Variants in HS6ST3 observed in about 807,000 individuals in gnomAD.
HS6ST3 encodes the protein heparan-sulfate 6-O-sulfotransferase 3.
Under a neutral mutation model 36.7 loss-of-function variants are expected in HS6ST3, and 12 were observed. That is an observed-to-expected ratio of 0.33 (90% CI 0.21 to 0.53). The LOEUF (loss-of-function observed/expected upper bound fraction) is 0.53. HS6ST3 is among the 20% of genes least tolerant of loss of function. The pLI is 0.95. For missense variants in HS6ST3, 584 were observed against 640.9 expected (o/e 0.91, Z 0.96); for synonymous variants, 240 against 257.5 (o/e 0.93, Z 0.65).
intron 1 of HS6ST3, among the ~76,000 whole-genome samples, chr13:96,694,274 C>G (rs1006283370): frequency 6.6e-6 from 1 of 152,152 alleles, no homozygotes; most frequent in African/African-American, 2.4e-5. Context: ...ATTTGGTTTT[C>G]TGTTCCTGCA....
At chr13:96,480,286 G>A (rs1288167242) in intron 1 of HS6ST3, among the ~76,000 whole-genome samples, 1 of 152,066 alleles carries the variant, frequency 6.6e-6, no homozygotes, top group Admixed American at 6.6e-5. Context: ...GCTAATTTTT[G>A]TATTTTTAGT....
intron 1 of HS6ST3, among the ~76,000 whole-genome samples, chr13:96,293,526 C>T (rs1476534198): frequency 6.6e-6 from 1 of 152,080 alleles, no homozygotes; most frequent in African/African-American, 2.4e-5. Context: ...CATAAACTCA[C>T]ACACAGATAA....
chr13:96,435,994 G>A (rs143315543), intron 1 of HS6ST3, among the ~76,000 whole-genome samples: 152 of 152,224 alleles, frequency 1.0e-3, no homozygotes, highest in Middle Eastern at 3.4e-3. Context: ...ACTCTTAGCT[G>A]CATTCTCTTT....
Position 96,114,058 on chromosome 13 carries a change from A to G in HS6ST3, c.707+22489A>G, listed in dbSNP as rs551834492. ...TGATCAGCTTTCTATACTTATGGTC[A>G]GGTTCTACAAAGAAACATAATAAAA... is the stretch of plus-strand genomic sequence containing the variant. On this transcript the variant is annotated intron_variant, in intron 1 of 1. Transcript: ENST00000376705. Among the ~76,000 whole-genome samples the G allele has an allele frequency of 8.5e-5, 13 of 152,286 alleles. 1 individual carries two copies. Among genetic ancestry groups the G allele is most frequent in the African/African-American group, 3.1e-4 (13 of 41,566 alleles).
At chr13:96,158,793 G>A (rs780557887) in intron 1 of HS6ST3, among the ~76,000 whole-genome samples, 1 of 151,828 alleles carries the variant, frequency 6.6e-6, no homozygotes. Context: ...ATTAACACAA[G>A]CTAGGGAGAG....
chr13:96,753,170 G>A (rs1426898984), intron 1 of HS6ST3, among the ~76,000 whole-genome samples: 1 of 152,094 alleles, frequency 6.6e-6, no homozygotes, highest in Non-Finnish European at 1.5e-5. Context: ...TTATTATAAG[G>A]CAAGTTCTCA....
At chr13:96,408,124 G>A (rs2055488390) in intron 1 of HS6ST3, among the ~76,000 whole-genome samples, 1 of 152,024 alleles carries the variant, frequency 6.6e-6, no homozygotes, top group Admixed American at 6.6e-5. Flanking sequence ...ATTTTTAGTA[G>A]AGATGGGGTT....
chr13:96,725,039 C>T lies in HS6ST3; in HGVS notation c.708-107451C>T, dbSNP rs186795922. ...AATTACTACAATTACTCCGCATTGT[C>T]CCGGACACTTAGTATAGGGGATGTG... On this transcript the variant is annotated intron_variant, in intron 1 of 1. Coordinates refer to ENST00000376705, the MANE Select transcript of HS6ST3 (RefSeq NM_153456.4). 2.0e-3 allele frequency among the ~76,000 whole-genome samples: 297 copies of T among 152,186 alleles called. 1 individual carries two copies. The highest frequency in any genetic ancestry group is 6.7e-3 in the African/African-American group (277 of 41,524).
At chr13:96,096,796 G>C (rs917607216) in intron 1 of HS6ST3, among the ~76,000 whole-genome samples, 2 of 152,174 alleles carry the variant, frequency 1.3e-5, no homozygotes, top group African/African-American at 4.8e-5. Context: ...AATATATAAG[G>C]AGGTTACAGA....
At position 96,152,667 on chromosome 13, in the gene HS6ST3, T is replaced by C. The variant is rs187458508; in HGVS notation, c.707+61098T>C. On this transcript the variant is annotated intron_variant, in intron 1 of 1. Transcript: ENST00000376705. ...TTTTTTAATACTATCAGCAGTCTTT[T>C]TTATATGCTTCTATATGATTCCCTA... Among the ~76,000 whole-genome samples the C allele has an allele frequency of 3.4e-3, 520 of 152,206 alleles. 3 individuals are homozygous for C. Among genetic ancestry groups the C allele is most frequent in the African/African-American group, 0.012 (500 of 41,538 alleles).
At chr13:96,249,841 C>T (rs2054599731) in intron 1 of HS6ST3, among the ~76,000 whole-genome samples, 1 of 152,022 alleles carries the variant, frequency 6.6e-6, no homozygotes, top group Admixed American at 6.6e-5. Context: ...AAGCCAGATG[C>T]AAAATGACAG....
intron 1 of HS6ST3, among the ~76,000 whole-genome samples, chr13:96,823,991 G>A (rs954433636): frequency 8.5e-5 from 13 of 152,116 alleles, no homozygotes; most frequent in African/African-American, 2.9e-4. Flanking sequence ...TATCCAAGTG[G>A]GGGAAATAAT....
At chr13:96,720,157 C>T (rs1875807356) in intron 1 of HS6ST3, among the ~76,000 whole-genome samples, 1 of 152,172 alleles carries the variant, frequency 6.6e-6, no homozygotes, top group Non-Finnish European at 1.5e-5. Context: ...TAAATGCCTG[C>T]AATGTATATA....
intron 1 of HS6ST3, among the ~76,000 whole-genome samples, chr13:96,689,483 G>A (rs1874876587): frequency 1.3e-5 from 2 of 151,830 alleles, no homozygotes; most frequent in Non-Finnish European, 2.9e-5. Context: ...TACATTGCCA[G>A]TGGAAAAAAA....
intron 1 of HS6ST3, among the ~76,000 whole-genome samples, chr13:96,479,716 A>G (rs1217186217): frequency 3.3e-5 from 5 of 152,196 alleles, no homozygotes; most frequent in African/African-American, 1.2e-4. Context: ...TGCTATAAAA[A>G]CATGACCCAC....
intron 1 of HS6ST3, among the ~76,000 whole-genome samples, chr13:96,211,554 A>T (rs553322011): frequency 6.6e-6 from 1 of 152,258 alleles, no homozygotes; most frequent in African/African-American, 2.4e-5. Context: ...GCTGTGTATT[A>T]TCTAAATGTC....
Position 96,211,424 on chromosome 13 carries a change from C to T in HS6ST3, c.707+119855C>T, listed in dbSNP as rs114769337. 3.5e-3 allele frequency among the ~76,000 whole-genome samples: 540 copies of T among 152,212 alleles called. 5 individuals carry two copies. Among genetic ancestry groups the T allele is most frequent in the African/African-American group, 0.012 (513 of 41,534 alleles). On this transcript the variant is annotated intron_variant, in intron 1 of 1. Transcript: ENST00000376705. The stretch of plus-strand genomic sequence containing the variant: ...GGTGTGCACCCCAGTGATAACCCCA[C>T]GACTACAATGTTCAGCTTGCACTTT...
intron 1 of HS6ST3, among the ~76,000 whole-genome samples, chr13:96,161,418 A>C (rs1489671829): frequency 6.6e-6 from 1 of 152,160 alleles, no homozygotes; most frequent in Non-Finnish European, 1.5e-5. Flanking sequence ...AGATTCTTTG[A>C]GTAGTTGGAT....
At chr13:96,690,795 A>G (rs1445883677) in intron 1 of HS6ST3, among the ~76,000 whole-genome samples, 3 of 148,758 alleles carry the variant, frequency 2.0e-5, no homozygotes, top group Non-Finnish European at 1.5e-5. Flanking sequence ...TGAAATGAAC[A>G]CATGTAGTAG....
Sources: allele counts gnomAD v4.1 joint callset (sites outside exome capture counted in the v4.1 genomes callset), GRCh38; gene constraint gnomAD v4.1.1; transcripts MANE v1.5; gene names NCBI Gene and HGNC (gene_info 2026-07-23, HGNC 2026-07-21).